The following MCUR1 variants were observed in gnomAD, a reference collection of about 807,000 sequenced individuals.
The protein encoded by MCUR1 is MCU regulator 1.
MCUR1 carries 37 observed loss-of-function variants against 42.0 expected under a neutral mutation model. That is an observed-to-expected ratio of 0.88 (90% CI 0.68 to 1.16). MCUR1 has a LOEUF of 1.16. Among genes scored for constraint, MCUR1 ranks in the 50% most tolerant of loss-of-function variants. The pLI, the probability that MCUR1 is intolerant of heterozygous loss-of-function variation, is 0.00. For missense variants in MCUR1, 469 were observed against 468.4 expected (o/e 1.00, Z -0.01); for synonymous variants, 229 against 196.2 (o/e 1.17, Z -1.40).
rs9382560 is a variant in MCUR1 at position 13,791,214 on chromosome 6, T to C, written c.1025-350A>G. ...GACACCATGCCCGGCTAAATCTTTTTGTAGAGACTAGGTCTCGCTGTGTTG... is the reference window on the plus strand; with the variant it reads ...GACACCATGCCCGGCTAAATCTTTTCGTAGAGACTAGGTCTCGCTGTGTTG... On this transcript the variant is annotated intron_variant, in intron 8 of 8. Coordinates refer to ENST00000379170, the MANE Select transcript of MCUR1 (RefSeq NM_001031713.4). 4.9e-4 allele frequency among the ~76,000 whole-genome samples: 75 copies of C among 152,298 alleles called. 1 individual carries two copies. The East Asian group carries it at 0.014, about 28-fold the overall frequency.
rs1257908413 is a variant in MCUR1, at chr6:13,806,989, G to A, written c.471C>T (p.Thr157=). 1 of 1,613,714 alleles carries A rather than the reference G, an allele frequency of 6.2e-7. No individual in the cohort carries two copies. ...LQLERKRRDF[T]SSGSRKLYFD... is the part of the protein sequence containing the mutation. Reference sequence around the variant, plus strand: ...AGTAGAGTTTCCTGCTCCCAGAAGAGGTGAAATCTCTCCTTTTGCGCTCCA... The same window carrying A: ...AGTAGAGTTTCCTGCTCCCAGAAGAAGTGAAATCTCTCCTTTTGCGCTCCA... Residue 157 remains threonine (T), a synonymous_variant, in exon 2 of 9, where the codon ACC becomes ACT. Coordinates refer to ENST00000379170, the MANE Select transcript of MCUR1 (RefSeq NM_001031713.4).
chr6:13,802,850 T>C (rs914204849), intron 2 of MCUR1, among the ~76,000 whole-genome samples: 2 of 152,372 alleles, frequency 1.3e-5, no homozygotes, highest in African/African-American at 4.8e-5. Flanking sequence ...TCAGTTGTTT[T>C]ATGTCCAGCA....
In MCUR1 at chr6:13,793,908, C is replaced by T. The variant is rs987374639; in HGVS notation, c.895G>A (p.Glu299Lys). Residue 299 changes from glutamate to lysine, a missense_variant, in exon 7 of 9, where the codon GAA (glutamate) becomes AAA (lysine). Transcript: ENST00000379170. Reference sequence around the variant, plus strand: ...TTGTTTCTTACCAATGCCACTATTTCTGTTCTCAATTCCAGCAGCTTCTTT... The same window carrying T: ...TTGTTTCTTACCAATGCCACTATTTTTGTTCTCAATTCCAGCAGCTTCTTT... The part of the protein sequence containing the change: ...NEKKLLELRT[E>K]IVALHAQQDR... 2 of 1,613,666 alleles carry T rather than the reference C, an allele frequency of 1.2e-6. No individual in the cohort carries two copies. The highest frequency in any genetic ancestry group is 1.7e-5 in the Admixed American group (1 of 60,018).
Position 13,814,425 on chromosome 6 carries a change from T to C in MCUR1, c.5A>G (p.Asp2Gly). The change falls in exon 1 of 9, where the codon GAC becomes GGC. Residue 2 changes from aspartate to glycine, a missense_variant. By Grantham distance (94) the Asp-to-Gly change is moderately conservative. Coordinates refer to ENST00000379170, the MANE Select transcript of MCUR1 (RefSeq NM_001031713.4). The part of the protein sequence containing the change: M[D>G]CGSVGGQRTQ... Reference sequence around the variant, plus strand: ...CCTCTGGCCGCCGACCGAGCCGCAGTCCATCCCCGAGCAGTTCACTGGCCC... The same window carrying C: ...CCTCTGGCCGCCGACCGAGCCGCAGCCCATCCCCGAGCAGTTCACTGGCCC... The C allele has an allele frequency of 6.5e-7, 1 of 1,536,832 alleles. No individual in the cohort carries two copies. Among genetic ancestry groups the C allele is most frequent in the South Asian group, 1.2e-5 (1 of 83,944 alleles).
At chr6:13,791,489 C>T (rs369486226) in intron 8 of MCUR1, among the ~76,000 whole-genome samples, 4 of 151,928 alleles carry the variant, frequency 2.6e-5, no homozygotes, top group Admixed American at 2.0e-4. Flanking sequence ...TCAAAAATCG[C>T]GAAAGTAAAA....
In MCUR1 at chr6:13,798,693, A is replaced by G. The variant is rs79284581; in HGVS notation, c.855+140T>C. ...TAAGTCTTAATCCAAAATTATTATA[A>G]TAGAGAAAATACAGCCTAACACTGA... is the stretch of plus-strand genomic sequence containing the variant. On this transcript the variant is annotated intron_variant, in intron 6 of 8. Transcript: ENST00000379170. 3,242 of 483,564 alleles carry G rather than the reference A, an allele frequency of 6.7e-3. 98 individuals carry two copies. The highest frequency in any genetic ancestry group is 0.06 in the African/African-American group (2,999 of 49,740). The allele number at this position is 483,564 out of a possible 1,614,324, so 30.0% of individuals were successfully genotyped here. A position where few individuals can be genotyped will look rare whatever the true frequency, so the allele number is the denominator to read the frequency against.
At chr6:13,794,304 C>T (rs1410804385) in intron 6 of MCUR1, among the ~76,000 whole-genome samples, 3 of 152,110 alleles carry the variant, frequency 2.0e-5, no homozygotes, top group African/African-American at 7.2e-5. Context: ...TTTCCTTAGT[C>T]ATCTGTCACT....
In MCUR1 at chr6:13,800,371, G is replaced by A. The variant is rs535165779; in HGVS notation, c.753C>T (p.Leu251=). Residue 251 remains leucine, a synonymous_variant, in exon 5 of 9, where the codon CTC becomes CTT. Transcript: ENST00000379170. ...ALRAENEKIK[L]ELHQLKQQVM... is the part of the protein sequence containing the mutation. ...CTTGTTGTTTTAACTGATGTAGTTC[G>A]AGTTTTATTTTCTAAAAACACATAA... is the stretch of plus-strand genomic sequence containing the variant. 4 of 1,553,872 alleles carry A rather than the reference G, an allele frequency of 2.6e-6. No individual in the cohort carries two copies. The highest frequency in any genetic ancestry group is 1.4e-5 in the African/African-American group (1 of 72,474).
chr6:13,803,343 A>ATG (rs1760035395), intron 2 of MCUR1, among the ~76,000 whole-genome samples: 3 of 152,200 alleles, frequency 2.0e-5, no homozygotes, highest in Admixed American at 2.0e-4. Context: ...TTACAGGCGC[A>ATG]AGCCACCACG....
At chr6:13,810,624 A>C (rs907356513) in intron 1 of MCUR1, among the ~76,000 whole-genome samples, 2 of 152,202 alleles carry the variant, frequency 1.3e-5, no homozygotes, top group Non-Finnish European at 2.9e-5. Flanking sequence ...GAGAGTAAAC[A>C]AAACAAAAAA....
rs914208730 is a variant in MCUR1, at chr6:13,798,817, T to A, written c.855+16A>T. The A allele has an allele frequency of 1.3e-6, 2 of 1,598,256 alleles. No individual in the cohort carries two copies. Among genetic ancestry groups the A allele is most frequent in the Non-Finnish European group, 1.7e-6 (2 of 1,167,614 alleles). ...AATAAATTAATTCATAATGTGTTTT[T>A]AGTAAAGGAACGTACCAATTCTTTT... is the stretch of plus-strand genomic sequence containing the variant. On this transcript the variant is annotated intron_variant, in intron 6 of 8. Transcript: ENST00000379170.
intron 1 of MCUR1, among the ~76,000 whole-genome samples, chr6:13,812,155 T>G (rs1022957629): frequency 6.6e-6 from 1 of 152,008 alleles, no homozygotes; most frequent in African/African-American, 2.4e-5. Flanking sequence ...CAAGAGAATA[T>G]TAAAAACCCA....
intron 1 of MCUR1, among the ~76,000 whole-genome samples, chr6:13,809,371 A>C (rs1760181101): frequency 6.6e-6 from 1 of 152,170 alleles, no homozygotes; most frequent in Admixed American, 6.5e-5. Flanking sequence ...TTTAATCATA[A>C]GAGATATCGG....
intron 3 of MCUR1, 52 bp downstream of exon 3, chr6:13,802,191 T>C: frequency 7.2e-7 from 1 of 1,384,626 alleles, no homozygotes; most frequent in Non-Finnish European, 1.0e-6. Flanking sequence ...TTACTACAAA[T>C]AATACCCCAT....
chr6:13,808,982 C>T (rs1252171888), intron 1 of MCUR1, among the ~76,000 whole-genome samples: 4 of 152,050 alleles, frequency 2.6e-5, no homozygotes, highest in Admixed American at 2.0e-4. Context: ...GCTCTATTGC[C>T]CAGGATGGAA....
At chr6:13,804,408 A>C (rs1760069604) in intron 2 of MCUR1, 1 of 153,270 alleles carries the variant, frequency 6.5e-6, no homozygotes, top group Non-Finnish European at 1.5e-5. Flanking sequence ...AAGAGAACTT[A>C]TGTTGATTGT....
At chr6:13,810,027 A>AC in intron 1 of MCUR1, among the ~76,000 whole-genome samples, 1 of 152,030 alleles carries the variant, frequency 6.6e-6, no homozygotes, top group African/African-American at 2.4e-5. Context: ...AGATGGTGAA[A>AC]CCCCGTATCT....
At chr6:13,807,194 C>T in intron 1 of MCUR1, 150 bp from the exon 2 acceptor site, 1 of 822,258 alleles carries the variant, frequency 1.2e-6, no homozygotes, top group Non-Finnish European at 1.8e-6. Context: ...TTCAAGCATA[C>T]AGTTCAATAG....
chr6:13,803,267 G>C lies in MCUR1; in HGVS notation c.536-921C>G, dbSNP rs141740217. Among the ~76,000 whole-genome samples the C allele has an allele frequency of 7.0e-3, 1,073 of 152,312 alleles. 9 individuals are homozygous for C. Among genetic ancestry groups the C allele is most frequent in the African/African-American group, 0.024 (998 of 41,580 alleles). ...GTAGAGATGAAGTTTCTCCGTGTTG[G>C]TCAGGCTGTTCTCGAACTCCCGACC... is the stretch of plus-strand genomic sequence containing the variant. On this transcript the variant is annotated intron_variant, in intron 2 of 8. Coordinates refer to ENST00000379170, the MANE Select transcript of MCUR1 (RefSeq NM_001031713.4).
Sources: allele counts gnomAD v4.1 joint callset (sites outside exome capture counted in the v4.1 genomes callset), GRCh38; gene constraint gnomAD v4.1.1; transcripts MANE v1.5; gene names NCBI Gene and HGNC (gene_info 2026-07-23, HGNC 2026-07-21).